Variants in ARID5B observed in about 807,000 individuals in gnomAD.
ARID5B encodes AT-rich interaction domain 5B.
A neutral mutation model predicts 97.2 loss-of-function variants in ARID5B; 13 were observed. That is an observed-to-expected ratio of 0.13 (90% confidence interval 0.09 to 0.21). ARID5B has a LOEUF of 0.21. Ranked by LOEUF, ARID5B falls within the 10% of genes least tolerant of loss-of-function variation. The probability of loss-of-function intolerance (pLI) is 1.00; values close to 1 mark genes in which losing one functional copy is unlikely to be tolerated. For missense variants in ARID5B, 1,210 were observed against 1,465.3 expected, an observed-to-expected ratio of 0.83 and a Z score of 2.84; for synonymous variants, 556 against 570.3, an observed-to-expected ratio of 0.97 and a Z score of 0.36.
intron 3 of ARID5B, among the ~76,000 whole-genome samples, chr10:61,955,480 T>A (rs1838379322): frequency 6.6e-6 from 1 of 152,188 alleles, no homozygotes; most frequent in South Asian, 2.1e-4. Context: ...GGGAATTGAA[T>A]GTGAACATTA....
chr10:62,036,673 T>G (rs959984541), intron 4 of ARID5B, among the ~76,000 whole-genome samples: 2 of 152,224 alleles, frequency 1.3e-5, no homozygotes, highest in Non-Finnish European at 2.9e-5. Context: ...AGTAACATGG[T>G]CTTGGGATGA....
chr10:62,034,167 T>C (rs1839531874), intron 4 of ARID5B, among the ~76,000 whole-genome samples: 1 of 152,226 alleles, frequency 6.6e-6, no homozygotes, highest in Non-Finnish European at 1.5e-5. Flanking sequence ...TGTGCATGAT[T>C]TCATAAAACT....
chr10:62,091,097 C>T lies in ARID5B; in HGVS notation c.1634C>T (p.Ala545Val). Residue 545 changes from alanine to valine, a missense_variant, in exon 10 of 10, where the codon GCT becomes GTT. Ala to Val is a moderately conservative substitution (Grantham distance 64). Coordinates refer to ENST00000279873, the MANE Select transcript of ARID5B (RefSeq NM_032199.3). ...GGGCCCACACCTCCACTCCCAAGTGCTCCTCTGGCCCCAGAAAAAGATTCA... is the reference window on the plus strand; with the variant it reads ...GGGCCCACACCTCCACTCCCAAGTGTTCCTCTGGCCCCAGAAAAAGATTCA... ...EKGPTPPLPS[A>V]PLAPEKDSAL... 1.2e-6 allele frequency: 2 copies of T among 1,614,102 alleles called. No homozygotes were observed. Among genetic ancestry groups the T allele is most frequent in the South Asian group, 1.1e-5 (1 of 91,076 alleles).
At chr10:61,935,345 G>A (rs1161450789) in intron 2 of ARID5B, among the ~76,000 whole-genome samples, 1 of 152,018 alleles carries the variant, frequency 6.6e-6, no homozygotes, top group Non-Finnish European at 1.5e-5. Context: ...CAAACTTTGG[G>A]ACACAAACAT....
At chr10:62,008,264 T>C (rs925264495) in intron 4 of ARID5B, among the ~76,000 whole-genome samples, 8 of 152,166 alleles carry the variant, frequency 5.3e-5, no homozygotes, top group Non-Finnish European at 1.2e-4. Flanking sequence ...TGCTATCCCC[T>C]GTTTCACAGA....
intron 3 of ARID5B, among the ~76,000 whole-genome samples, chr10:61,987,652 G>A (rs1050611245): frequency 7.2e-5 from 11 of 152,240 alleles, no homozygotes; most frequent in Admixed American, 3.3e-4. Flanking sequence ...CCGTCGTAGT[G>A]TAAAAGCAGC....
intron 3 of ARID5B, among the ~76,000 whole-genome samples, chr10:61,954,407 A>T (rs946653626): frequency 6.6e-5 from 10 of 151,934 alleles, no homozygotes; most frequent in Non-Finnish European, 1.0e-4. Flanking sequence ...TATATATATA[A>T]ATTTCGATGC....
At chr10:61,913,935 G>A (rs998245000) in intron 2 of ARID5B, among the ~76,000 whole-genome samples, 2 of 152,180 alleles carry the variant, frequency 1.3e-5, no homozygotes, top group South Asian at 2.1e-4. Flanking sequence ...ATTTTTAATA[G>A]AGACGGGGTT....
intron 4 of ARID5B, chr10:62,046,863 G>C (rs1839714969): frequency 1.3e-5 from 2 of 152,168 alleles, no homozygotes; most frequent in Admixed American, 6.5e-5. Flanking sequence ...AATTCTGTCG[G>C]ACAGTGTTTC....
chr10:62,065,248 T>C (rs902887053), intron 7 of ARID5B, among the ~76,000 whole-genome samples: 4 of 152,238 alleles, frequency 2.6e-5, no homozygotes, highest in African/African-American at 7.2e-5. Context: ...TGGTTTGTTT[T>C]ACCTGGGTGT....
Position 62,050,975 on chromosome 10 carries a change from A to G in ARID5B, c.821A>G (p.Asn274Ser), listed in dbSNP as rs762391579. ...AGTGGTGTTAAGGATTCCAACAACAATTCCGATGGCAAAGCCGTTGCCAAG... is the reference window on the plus strand; with the variant it reads ...AGTGGTGTTAAGGATTCCAACAACAGTTCCGATGGCAAAGCCGTTGCCAAG... Reference protein sequence around the residue: ...SFSGVKDSNNNSDGKAVAKVK... With the variant: ...SFSGVKDSNNSSDGKAVAKVK... Residue 274 changes from asparagine to serine, a missense_variant, in exon 5 of 10, where the codon AAT (asparagine) becomes AGT (serine). Around this residue, in one of 8 missense-constraint regions of ARID5B, gnomAD observed 132 missense variants for 156.7 expected, o/e 0.84. Coordinates refer to ENST00000279873, the MANE Select transcript of ARID5B (RefSeq NM_032199.3). 9.3e-6 allele frequency: 15 copies of G among 1,613,990 alleles called. No homozygotes were observed. The highest frequency in any genetic ancestry group is 8.5e-7 in the Non-Finnish European group (1 of 1,179,936).
intron 3 of ARID5B, among the ~76,000 whole-genome samples, chr10:61,972,274 C>T (rs2132835447): frequency 7.4e-6 from 1 of 134,776 alleles, no homozygotes; most frequent in South Asian, 2.3e-4. Context: ...GTAATCCAGG[C>T]TGGAGTGCAG....
chr10:61,952,621 A>T (rs1243561035), intron 3 of ARID5B, among the ~76,000 whole-genome samples: 1 of 152,186 alleles, frequency 6.6e-6, no homozygotes, highest in Non-Finnish European at 1.5e-5. Context: ...TTGAAGGTTG[A>T]TTTGAGTTCT....
intron 4 of ARID5B, among the ~76,000 whole-genome samples, chr10:62,011,006 C>A (rs1839209821): frequency 1.3e-5 from 2 of 152,154 alleles, no homozygotes; most frequent in African/African-American, 4.8e-5. Context: ...AAGGCTCAGC[C>A]AGTATAACAT....
intron 9 of ARID5B, among the ~76,000 whole-genome samples, chr10:62,086,642 A>G (rs953037859): frequency 3.4e-5 from 5 of 145,698 alleles, no homozygotes; most frequent in Admixed American, 7.1e-5. Context: ...CAGAGCTTGC[A>G]GTGAGCTGAG....
At chr10:61,947,612 A>G (rs1260523868) in intron 3 of ARID5B, among the ~76,000 whole-genome samples, 1 of 152,170 alleles carries the variant, frequency 6.6e-6, no homozygotes, top group Non-Finnish European at 1.5e-5. Context: ...TGGTTATAAC[A>G]CATAGGAATA....
intron 3 of ARID5B, among the ~76,000 whole-genome samples, chr10:61,994,785 C>T (rs1037742647): frequency 1.2e-5 from 1 of 82,228 alleles, no homozygotes; most frequent in Admixed American, 1.4e-4. Context: ...GTTAACAAAA[C>T]GTGTAATTAA....
At chr10:61,983,533 T>C (rs2132848052) in intron 3 of ARID5B, among the ~76,000 whole-genome samples, 1 of 152,294 alleles carries the variant, frequency 6.6e-6, no homozygotes, top group East Asian at 1.9e-4. Flanking sequence ...AGCTGCAAAG[T>C]ATTGGTTCAG....
intron 3 of ARID5B, among the ~76,000 whole-genome samples, chr10:61,973,821 T>C (rs1838663084): frequency 1.3e-5 from 2 of 152,238 alleles, no homozygotes; most frequent in African/African-American, 4.8e-5. Context: ...GTATTTCAAA[T>C]AATTAGGTTG....
Sources: allele counts gnomAD v4.1 joint callset (sites outside exome capture counted in the v4.1 genomes callset), GRCh38; gene constraint gnomAD v4.1.1; regional missense constraint gnomAD v4.1.1; transcripts MANE v1.5; gene names NCBI Gene and HGNC (gene_info 2026-07-23, HGNC 2026-07-21).